The following ZC3H12B variants were observed in gnomAD, a reference collection of about 807,000 sequenced individuals.
The protein encoded by ZC3H12B is probable ribonuclease ZC3H12B.
In ZC3H12B, 7 loss-of-function variants were observed where a neutral mutation model predicts 43.9. The observed-to-expected ratio is 0.16, with a 90% CI of 0.09 to 0.30. ZC3H12B has a LOEUF of 0.30. Ranked by LOEUF, ZC3H12B falls within the 10% of genes least tolerant of loss-of-function variation. ZC3H12B has a pLI of 1.00. For synonymous variants in ZC3H12B, 222 were observed against 241.7 expected (o/e 0.92, Z 0.76); for missense variants, 475 against 670.2 (o/e 0.71, Z 3.22).
intron 3 of ZC3H12B, among the ~76,000 whole-genome samples, chrX:65,403,907 G>C (rs1357770385): frequency 9.0e-6 from 1 of 111,582 alleles, no homozygotes; most frequent in Admixed American, 9.5e-5. Flanking sequence ...GTAATAGTAA[G>C]TGCACAGAAA....
chrX:65,263,242 C>G, the ZC3H12B span, among the ~76,000 whole-genome samples: 1 of 111,341 alleles, frequency 9.0e-6, no homozygotes, highest in East Asian at 2.8e-4. Flanking sequence ...CACAGACTAA[C>G]AGAAGCAACA....
At chrX:65,244,727 C>CAAAAAAAAAAAAAAAAAAAAAAAA in the ZC3H12B span, among the ~76,000 whole-genome samples, 3 of 20,382 alleles carry the variant, frequency 1.5e-4, no homozygotes, top group Non-Finnish European at 2.5e-4. Flanking sequence ...AATACCTTGC[C>CAAAAAAAAAAAAAAAAAAAAAAAA]AAAAAAAAAA....
At chrX:65,427,620 C>T (rs1185032656) in intron 3 of ZC3H12B, among the ~76,000 whole-genome samples, 1 of 111,417 alleles carries the variant, frequency 9.0e-6, no homozygotes, top group South Asian at 3.8e-4. Context: ...AGAGCCACCA[C>T]ACCCAGCCCC....
chrX:65,416,504 G>A (rs755213022), intron 3 of ZC3H12B, among the ~76,000 whole-genome samples: 7 of 110,727 alleles, frequency 6.3e-5, no homozygotes, highest in African/African-American at 1.6e-4. Context: ...AAATCGGGCC[G>A]GGTGCGGTGG....
chrX:65,209,708 A>T, the ZC3H12B span, among the ~76,000 whole-genome samples: 3 of 109,489 alleles, frequency 2.7e-5, no homozygotes, highest in African/African-American at 1.0e-4. Context: ...TGGTACTGGT[A>T]CCAAAACAGA....
the ZC3H12B span, among the ~76,000 whole-genome samples, chrX:65,044,191 G>A: frequency 8.9e-6 from 1 of 112,001 alleles, no homozygotes; most frequent in South Asian, 3.8e-4. Flanking sequence ...ATCTGATGGG[G>A]TGACATTAAG....
intron 3 of ZC3H12B, among the ~76,000 whole-genome samples, chrX:65,415,632 A>G (rs748234238): frequency 1.2e-4 from 13 of 111,927 alleles, no homozygotes; most frequent in African/African-American, 3.6e-4. Flanking sequence ...CTGACTTCCC[A>G]TCATGGCCTG....
At chrX:65,493,027 CA>C (rs2068227002) in intron 1 of ZC3H12B, among the ~76,000 whole-genome samples, 1 of 111,083 alleles carries the variant, frequency 9.0e-6, no homozygotes, top group Admixed American at 9.6e-5. Flanking sequence ...CGCTTGAGCC[CA>C]GGGAGGTTGA....
At chrX:65,289,004 G>C in the ZC3H12B span, among the ~76,000 whole-genome samples, 4 of 109,944 alleles carry the variant, frequency 3.6e-5, no homozygotes, top group Non-Finnish European at 7.6e-5. Context: ...GCTACAAAAA[G>C]AAAAAAATAC....
the ZC3H12B span, among the ~76,000 whole-genome samples, chrX:65,293,713 G>A: frequency 1.5e-4 from 17 of 110,479 alleles, no homozygotes; most frequent in Non-Finnish European, 2.1e-4. Context: ...AAAATCCACT[G>A]AAAAGTCTCA....
the ZC3H12B span, among the ~76,000 whole-genome samples, chrX:65,071,196 C>T: frequency 9.1e-6 from 1 of 109,463 alleles, no homozygotes; most frequent in African/African-American, 3.3e-5. Context: ...TACCCTTTAC[C>T]ATTATATAAT....
the ZC3H12B span, among the ~76,000 whole-genome samples, chrX:65,182,677 G>A: frequency 5.5e-5 from 6 of 108,965 alleles, no homozygotes; most frequent in African/African-American, 1.7e-4. Context: ...ATTCACAAGG[G>A]TCTAATATCC....
At chrX:65,156,883 T>C in the ZC3H12B span, among the ~76,000 whole-genome samples, 3 of 112,248 alleles carry the variant, frequency 2.7e-5, no homozygotes, top group African/African-American at 9.7e-5. Flanking sequence ...CTAACATTTT[T>C]AGCACATCAT....
the ZC3H12B span, among the ~76,000 whole-genome samples, chrX:65,239,109 G>A: frequency 8.9e-6 from 1 of 111,846 alleles, no homozygotes; most frequent in Non-Finnish European, 1.9e-5. Context: ...ATCCAGAGGT[G>A]AGTTCAGATC....
At chrX:65,049,692 C>T in the ZC3H12B span, among the ~76,000 whole-genome samples, 4 of 111,253 alleles carry the variant, frequency 3.6e-5, no homozygotes, top group South Asian at 7.5e-4. Context: ...GGATTGTTTT[C>T]TATTTTTGTA....
the ZC3H12B span, among the ~76,000 whole-genome samples, chrX:65,225,003 A>G: frequency 2.7e-5 from 3 of 111,806 alleles, no homozygotes; most frequent in African/African-American, 9.8e-5. Context: ...TCCCTGTCTG[A>G]CAGAGTTGAA....
chrX:65,416,894 A>G (rs1320813155), intron 3 of ZC3H12B, among the ~76,000 whole-genome samples: 2 of 111,797 alleles, frequency 1.8e-5, no homozygotes, highest in Non-Finnish European at 3.8e-5. Flanking sequence ...GTAGATTCTG[A>G]TTATGATCAA....
chrX:65,172,781 T>C, the ZC3H12B span, among the ~76,000 whole-genome samples: 5 of 112,096 alleles, frequency 4.5e-5, no homozygotes, highest in South Asian at 3.7e-4. Flanking sequence ...TCCATTGTTC[T>C]ATATAATTGT....
chrX:65,346,796 C>T, the ZC3H12B span, among the ~76,000 whole-genome samples: 1 of 112,406 alleles, frequency 8.9e-6, no homozygotes, highest in Non-Finnish European at 1.9e-5. Flanking sequence ...AAGGCAGCAC[C>T]TCCAGTCAGG....
Sources: allele counts gnomAD v4.1 joint callset (sites outside exome capture counted in the v4.1 genomes callset), GRCh38; gene constraint gnomAD v4.1.1; transcripts MANE v1.5; gene names NCBI Gene and HGNC (gene_info 2026-07-23, HGNC 2026-07-21).